The following PDZRN4 variants were observed in gnomAD, a reference collection of about 807,000 sequenced individuals.
PDZRN4 encodes the protein PDZ domain containing ring finger 4.
In PDZRN4, 70 loss-of-function variants were observed where a neutral mutation model predicts 99.0. That is an observed-to-expected ratio of 0.71 (90% CI 0.58 to 0.86). The LOEUF (loss-of-function observed/expected upper bound fraction) is 0.86. Among genes scored for constraint, PDZRN4 ranks in the 40% least tolerant of loss-of-function variants. The pLI is 0.00. For synonymous variants in PDZRN4, 551 were observed against 501.6 expected (o/e 1.10, Z -1.32); for missense variants, 1,474 against 1,331.2 (o/e 1.11, Z -1.67).
chr12:41,391,735 C>T lies in PDZRN4; in HGVS notation c.844-114721C>T, dbSNP rs959711442. Among the ~76,000 whole-genome samples the T allele has an allele frequency of 5.0e-4, 76 of 152,000 alleles. 1 individual carries two copies. Among genetic ancestry groups the T allele is most frequent in the Non-Finnish European group, 8.1e-4 (55 of 67,974 alleles). ...TTTAGCACTGTAAATTTCTTTTTTC[C>T]TTTTTGGCCCCAGGTTCATTGAAAA... is the stretch of plus-strand genomic sequence containing the variant. On this transcript the variant is annotated intron_variant, in intron 3 of 9. Transcript: ENST00000402685.
At chr12:41,530,318 C>G (rs1285618791) in intron 5 of PDZRN4, among the ~76,000 whole-genome samples, 2 of 152,080 alleles carry the variant, frequency 1.3e-5, no homozygotes, top group East Asian at 3.9e-4. Context: ...GTTTGTAGCT[C>G]TAAATAATGT....
intron 7 of PDZRN4, among the ~76,000 whole-genome samples, chr12:41,562,671 T>C (rs549329735): frequency 1.7e-4 from 26 of 152,166 alleles, no homozygotes; most frequent in African/African-American, 6.3e-4. Context: ...GAGCTAAATA[T>C]ATTTGCACAT....
At chr12:41,198,464 G>A (rs1343805908) in intron 3 of PDZRN4, among the ~76,000 whole-genome samples, 1 of 151,978 alleles carries the variant, frequency 6.6e-6, no homozygotes, top group East Asian at 1.9e-4. Flanking sequence ...AGAGCACAAA[G>A]CAGAGGATTT....
intron 3 of PDZRN4, chr12:41,437,661 A>C: frequency 1.1e-6 from 1 of 896,814 alleles, no homozygotes; most frequent in Admixed American, 3.4e-5. Context: ...GAATCTGTGT[A>C]GTCATGTGCA....
chr12:41,228,480 C>CA (rs991294097), intron 3 of PDZRN4, among the ~76,000 whole-genome samples: 8 of 149,192 alleles, frequency 5.4e-5, no homozygotes, highest in South Asian at 2.1e-4. Context: ...TATAATAGGT[C>CA]AAAAAAAAAG....
At chr12:41,428,739 G>A (rs1380062065) in intron 3 of PDZRN4, among the ~76,000 whole-genome samples, 1 of 152,150 alleles carries the variant, frequency 6.6e-6, no homozygotes, top group East Asian at 1.9e-4. Flanking sequence ...AGGCAGAGAA[G>A]AGCAAGAAAT....
intron 3 of PDZRN4, among the ~76,000 whole-genome samples, chr12:41,207,451 T>C (rs1950858878): frequency 6.6e-6 from 1 of 151,842 alleles, no homozygotes; most frequent in Admixed American, 6.6e-5. Context: ...ATGCTATTAA[T>C]ATTATTCTAG....
At chr12:41,354,003 T>C (rs17129267) in intron 3 of PDZRN4, among the ~76,000 whole-genome samples, 5,764 of 152,122 alleles carry the variant, frequency 0.038, 300 homozygotes, top group East Asian at 0.18. Context: ...ATCAGTGTTA[T>C]GTAGGATAAA....
chr12:41,487,948 T>A (rs996180081), intron 3 of PDZRN4, among the ~76,000 whole-genome samples: 2 of 152,202 alleles, frequency 1.3e-5, no homozygotes, highest in Admixed American at 1.3e-4. Flanking sequence ...GTATCCTTTT[T>A]AAATCTAGAA....
At chr12:41,524,163 C>T (rs903459940) in intron 5 of PDZRN4, among the ~76,000 whole-genome samples, 1 of 152,092 alleles carries the variant, frequency 6.6e-6, no homozygotes, top group Non-Finnish European at 1.5e-5. Flanking sequence ...AGGCAAATAA[C>T]TTGTACCCTG....
intron 3 of PDZRN4, among the ~76,000 whole-genome samples, chr12:41,342,040 A>T (rs1001743909): frequency 1.3e-5 from 2 of 152,026 alleles, no homozygotes; most frequent in Admixed American, 1.3e-4. Context: ...CCCAGAAAAA[A>T]ATTTACACAC....
intron 3 of PDZRN4, among the ~76,000 whole-genome samples, chr12:41,302,962 A>T (rs2116132): frequency 0.013 from 1,909 of 147,186 alleles, 23 homozygotes; most frequent in Non-Finnish European, 0.019. Flanking sequence ...ACACACACAC[A>T]CTCACACACA....
intron 3 of PDZRN4, among the ~76,000 whole-genome samples, chr12:41,408,861 C>G (rs916027149): frequency 6.2e-4 from 94 of 151,766 alleles, no homozygotes; most frequent in Admixed American, 6.1e-3. Flanking sequence ...CTTTCTCCCC[C>G]TTTTTCTTTC....
intron 3 of PDZRN4, among the ~76,000 whole-genome samples, chr12:41,484,263 T>C (rs549675330): frequency 2.4e-4 from 36 of 152,210 alleles, no homozygotes; most frequent in South Asian, 8.3e-4. Flanking sequence ...AGTAAATCTA[T>C]GTGAATTTTT....
chr12:41,500,873 A>G (rs1271527490), intron 3 of PDZRN4, among the ~76,000 whole-genome samples: 1 of 152,044 alleles, frequency 6.6e-6, no homozygotes, highest in East Asian at 1.9e-4. Flanking sequence ...CAATTTAAAT[A>G]TTGTTTCTTC....
At chr12:41,252,643 GGGA>G (rs1951178257) in intron 3 of PDZRN4, among the ~76,000 whole-genome samples, 1 of 152,120 alleles carries the variant, frequency 6.6e-6, no homozygotes, top group Non-Finnish European at 1.5e-5. Flanking sequence ...GGGAGGCTGA[GGGA>G]GGAGAATTGC....
chr12:41,333,553 C>T (rs1172909186), intron 3 of PDZRN4, among the ~76,000 whole-genome samples: 2 of 152,120 alleles, frequency 1.3e-5, no homozygotes, highest in Non-Finnish European at 2.9e-5. Context: ...CAAGTTCTAC[C>T]TCCTGTCCAA....
intron 5 of PDZRN4, among the ~76,000 whole-genome samples, chr12:41,517,235 A>G (rs1289850507): frequency 6.6e-6 from 1 of 152,102 alleles, no homozygotes; most frequent in African/African-American, 2.4e-5. Flanking sequence ...CCAGGTAAGC[A>G]TGGGCACATT....
At chr12:41,482,090 G>A (rs1259101936) in intron 3 of PDZRN4, among the ~76,000 whole-genome samples, 1 of 152,088 alleles carries the variant, frequency 6.6e-6, no homozygotes, top group Non-Finnish European at 1.5e-5. Context: ...TTCCTAGCTT[G>A]GATCAGTGAA....
Sources: allele counts gnomAD v4.1 joint callset (sites outside exome capture counted in the v4.1 genomes callset), GRCh38; gene constraint gnomAD v4.1.1; transcripts MANE v1.5; gene names NCBI Gene and HGNC (gene_info 2026-07-23, HGNC 2026-07-21).